Variants in EMP2 observed in about 807,000 individuals in gnomAD.
EMP2 encodes the protein epithelial membrane protein 2.
In EMP2, 19 loss-of-function variants were observed where a neutral mutation model predicts 13.7. That is an observed-to-expected ratio of 1.38 (90% CI 0.97 to 2.03). The LOEUF (loss-of-function observed/expected upper bound fraction) is 2.03, where lower values mean the gene tolerates loss of function less well. Ranked by LOEUF, EMP2 falls within the 30% of genes most tolerant of loss-of-function variation. EMP2 has a pLI of 0.00. For synonymous variants in EMP2, 97 were observed against 84.7 expected, an observed-to-expected ratio of 1.15 and a Z score of -0.80; for missense variants, 253 against 220.7, an observed-to-expected ratio of 1.15 and a Z score of -0.93.
chr16:10,575,561 C>A (rs2050978778), intron 1 of EMP2, among the ~76,000 whole-genome samples: 1 of 151,996 alleles, frequency 6.6e-6, no homozygotes, highest in Non-Finnish European at 1.5e-5. Flanking sequence ...TTGGACTTGT[C>A]ACCCCCATCG....
chr16:10,538,396 G>A (rs866580313), intron 3 of EMP2, among the ~76,000 whole-genome samples: 1 of 152,184 alleles, frequency 6.6e-6, no homozygotes, highest in Non-Finnish European at 1.5e-5. Context: ...TCTTTTGAAG[G>A]ACAAACCTCA....
chr16:10,535,035 C>T (rs1228724410), intron 4 of EMP2, among the ~76,000 whole-genome samples: 1 of 152,200 alleles, frequency 6.6e-6, no homozygotes, highest in East Asian at 1.9e-4. Flanking sequence ...TCCCTGGAGC[C>T]GCTGCCTATC....
chr16:10,551,433 G>T (rs1362976860), intron 1 of EMP2, among the ~76,000 whole-genome samples: 1 of 152,158 alleles, frequency 6.6e-6, no homozygotes, highest in African/African-American at 2.4e-5. Flanking sequence ...TTGAGACAGA[G>T]TCTTGCTCCG....
Position 10,573,046 on chromosome 16 carries a change from G to A in EMP2, c.-61+7503C>T, listed in dbSNP as rs1240860804. Reference sequence around the variant, plus strand: ...GAGTGGTCAGCATGGGTTTATTTTGGCTTTTTTTGTTTTTATTTTAAGAGA... The same window carrying A: ...GAGTGGTCAGCATGGGTTTATTTTGACTTTTTTTGTTTTTATTTTAAGAGA... On this transcript the variant is annotated intron_variant, in intron 1 of 4. Coordinates refer to ENST00000359543, the MANE Select transcript of EMP2 (RefSeq NM_001424.6). Among the ~76,000 whole-genome samples the A allele has an allele frequency of 2.0e-5, 3 of 152,042 alleles. No individual in the cohort carries two copies. The East Asian group carries it at 5.8e-4, about 29-fold the overall frequency.
Position 10,547,685 on chromosome 16 carries a change from G to T in EMP2, c.-60-8C>A. 1 of 1,471,842 alleles carries T rather than the reference G, an allele frequency of 6.8e-7. No homozygotes were observed. The highest frequency in any genetic ancestry group is 9.3e-7 in the Non-Finnish European group (1 of 1,069,862). The allele number at this position is 1,471,842 out of a possible 1,614,324, so 91.2% of individuals were successfully genotyped here. ...AGCCCAGAGCGGGATGTGCTGAAGA[G>T]GGTAAGAAAGAGAAATTCAAAATCT... On this transcript the variant is annotated splice_region_variant and splice_polypyrimidine_tract_variant and intron_variant, in intron 1 of 4. Transcript: ENST00000359543.
intron 3 of EMP2, 123 bp from the exon 4 acceptor site, chr16:10,538,197 G>T: frequency 8.2e-7 from 1 of 1,213,528 alleles, no homozygotes; most frequent in Non-Finnish European, 1.2e-6. Flanking sequence ...GGGTTCAGGC[G>T]GTCGTCTACA....
At chr16:10,555,706 G>T (rs1429172242) in intron 1 of EMP2, among the ~76,000 whole-genome samples, 1 of 151,800 alleles carries the variant, frequency 6.6e-6, no homozygotes, top group African/African-American at 2.4e-5. Flanking sequence ...TCATGCCTCA[G>T]CCTCCCAAGT....
At chr16:10,562,557 G>A (rs1170690289) in intron 1 of EMP2, among the ~76,000 whole-genome samples, 1 of 152,088 alleles carries the variant, frequency 6.6e-6, no homozygotes, top group Non-Finnish European at 1.5e-5. Context: ...ACACATGAAT[G>A]AGCCCAGCTG....
At chr16:10,567,961 C>T (rs980662421) in intron 1 of EMP2, among the ~76,000 whole-genome samples, 2 of 152,098 alleles carry the variant, frequency 1.3e-5, no homozygotes, top group Non-Finnish European at 2.9e-5. Context: ...AAGGTCACAC[C>T]CCCAGTAAGT....
At chr16:10,540,915 C>G (rs774476150) in intron 3 of EMP2, among the ~76,000 whole-genome samples, 1 of 152,112 alleles carries the variant, frequency 6.6e-6, no homozygotes, top group Non-Finnish European at 1.5e-5. Context: ...TGGTAAAACC[C>G]TGTCTCTACA....
intron 4 of EMP2, among the ~76,000 whole-genome samples, chr16:10,535,201 C>A (rs2050637797): frequency 6.6e-6 from 1 of 152,094 alleles, no homozygotes; most frequent in African/African-American, 2.4e-5. Context: ...AAACACTCTG[C>A]AGTTTGAAGC....
In EMP2 at chr16:10,529,343, G is replaced by C. The variant is rs1025846622; in HGVS notation, c.*3562C>G. Reference sequence around the variant, plus strand: ...ATTCTATCTACAGGTAAGAAGCTTGGATGTTTTCTCCCTGATTTTGTCATT... The same window carrying C: ...ATTCTATCTACAGGTAAGAAGCTTGCATGTTTTCTCCCTGATTTTGTCATT... On this transcript the variant is annotated 3_prime_UTR_variant, in exon 5 of 5. Coordinates refer to ENST00000359543, the MANE Select transcript of EMP2 (RefSeq NM_001424.6). 1 of 152,132 alleles carries C rather than the reference G, an allele frequency of 6.6e-6. No homozygotes were observed. Among genetic ancestry groups the C allele is most frequent in the African/African-American group, 2.4e-5 (1 of 41,448 alleles). 9.4% of individuals were successfully genotyped at this position (152,132 alleles called of 1,614,324 possible).
intron 1 of EMP2, among the ~76,000 whole-genome samples, chr16:10,555,031 G>A (rs767232955): frequency 4.6e-5 from 7 of 152,110 alleles, no homozygotes; most frequent in Admixed American, 1.3e-4. Context: ...TCATTGTCCA[G>A]TTCTAGAAAT....
rs557724251 is a variant in EMP2 at position 10,529,790 on chromosome 16, G to C, written c.*3115C>G. 6.6e-6 allele frequency: 1 copy of C among 152,038 alleles called. No homozygotes were observed. The highest frequency in any genetic ancestry group is 2.4e-5 in the African/African-American group (1 of 41,380). The allele number at this position is 152,038 out of a possible 1,614,324, so 9.4% of individuals were successfully genotyped here. The stretch of plus-strand genomic sequence containing the variant: ...TACTAAAAATACAAAAATTAGCTGG[G>C]CATGGTGGGACATGCCTGTAATCCC... On this transcript the variant is annotated 3_prime_UTR_variant, in exon 5 of 5. Transcript: ENST00000359543.
Position 10,547,515 on chromosome 16 carries a change from G to A in EMP2, c.78+25C>T, listed in dbSNP as rs369356651. 82 of 1,613,202 alleles carry A rather than the reference G, an allele frequency of 5.1e-5. 1 individual carries two copies. Among genetic ancestry groups the A allele is most frequent in the South Asian group, 4.7e-4 (43 of 90,964 alleles). On this transcript the variant is annotated intron_variant, in intron 2 of 4. Transcript: ENST00000359543. ...TTGACTGCAGGACCCAGGTTTCTGC[G>A]TGAGTGGCAGGAAAGGAAACTTACA...
chr16:10,577,127 C>T (rs2050989146), intron 1 of EMP2, among the ~76,000 whole-genome samples: 2 of 152,210 alleles, frequency 1.3e-5, no homozygotes, highest in Non-Finnish European at 2.9e-5. Flanking sequence ...TGCCAAATTG[C>T]TGTGTGACCT....
chr16:10,530,747 A>T lies in EMP2; in HGVS notation c.*2158T>A, dbSNP rs1015729774. On this transcript the variant is annotated 3_prime_UTR_variant, in exon 5 of 5. Coordinates refer to ENST00000359543, the MANE Select transcript of EMP2 (RefSeq NM_001424.6). ...GCACGGGAACCCCTAAAGCTTGAAAACTCCAGCTCTATGGGACCCTCTCAC... is the reference window on the plus strand; with the variant it reads ...GCACGGGAACCCCTAAAGCTTGAAATCTCCAGCTCTATGGGACCCTCTCAC... 6.6e-6 allele frequency: 1 copy of T among 150,616 alleles called. No homozygotes were observed. The highest frequency in any genetic ancestry group is 2.4e-5 in the African/African-American group (1 of 40,856). 9.3% of individuals were successfully genotyped at this position (150,616 alleles called of 1,614,324 possible).
chr16:10,579,738 A>ACACACACG (rs748732742), intron 1 of EMP2, among the ~76,000 whole-genome samples: 10 of 145,106 alleles, frequency 6.9e-5, no homozygotes, highest in Non-Finnish European at 1.4e-4. Context: ...ACACACACAC[A>ACACACACG]CCCTCAAAGC....
intron 1 of EMP2, among the ~76,000 whole-genome samples, chr16:10,551,333 G>C (rs955895631): frequency 6.6e-6 from 1 of 152,222 alleles, no homozygotes; most frequent in African/African-American, 2.4e-5. Context: ...GGTATTTTGA[G>C]ATAATGTAAA....
Sources: allele counts gnomAD v4.1 joint callset (sites outside exome capture counted in the v4.1 genomes callset), GRCh38; gene constraint gnomAD v4.1.1; transcripts MANE v1.5; gene names NCBI Gene and HGNC (gene_info 2026-07-23, HGNC 2026-07-21).